The following ASTN2 variants were observed in gnomAD, a reference collection of about 807,000 sequenced individuals.
ASTN2 encodes astrotactin 2.
A neutral mutation model predicts 139.8 loss-of-function variants in ASTN2; 54 were observed. The ratio of observed to expected loss-of-function variants is 0.39; its 90% CI spans 0.31 to 0.48. The LOEUF (loss-of-function observed/expected upper bound fraction) is 0.48. Ranked by LOEUF, ASTN2 falls within the 20% of genes least tolerant of loss-of-function variation. The pLI, the probability that ASTN2 is intolerant of heterozygous loss-of-function variation, is 0.95. For missense variants in ASTN2, 1,565 were observed against 1,725.1 expected, an observed-to-expected ratio of 0.91 and a Z score of 1.64; for synonymous variants, 756 against 719.5, an observed-to-expected ratio of 1.05 and a Z score of -0.81.
At chr9:116,912,656 G>A (rs1035026708) in intron 10 of ASTN2, among the ~76,000 whole-genome samples, 2 of 152,080 alleles carry the variant, frequency 1.3e-5, no homozygotes, top group Non-Finnish European at 2.9e-5. Context: ...CTGCCCTTTC[G>A]TTATTTTCTT....
At chr9:116,510,916 G>T (rs1333796740) in intron 19 of ASTN2, among the ~76,000 whole-genome samples, 3 of 152,116 alleles carry the variant, frequency 2.0e-5, no homozygotes, top group Admixed American at 6.6e-5. Flanking sequence ...AGACAATGGG[G>T]TTTTCTAGAT....
chr9:116,911,729 C>A (rs867821461), intron 10 of ASTN2, among the ~76,000 whole-genome samples: 8 of 152,154 alleles, frequency 5.3e-5, no homozygotes, highest in Middle Eastern at 3.4e-3. Flanking sequence ...ACGGTGAAAC[C>A]CCGTCCTACT....
In ASTN2 at chr9:116,846,048, C is replaced by T. The variant is rs972247015; in HGVS notation, c.2040+17535G>A. Among the ~76,000 whole-genome samples the T allele has an allele frequency of 3.9e-5, 6 of 152,162 alleles. No homozygotes were observed. The East Asian group carries it at 5.8e-4, about 15-fold the overall frequency. ...TAGAAAGGAAGGCAATTCTGACACA[C>T]GCTGCAGCATGGATGAACCCTGAGG... is the stretch of plus-strand genomic sequence containing the variant. On this transcript the variant is annotated intron_variant, in intron 11 of 22. Transcript: ENST00000313400.
chr9:117,271,402 G>T (rs985352533), intron 2 of ASTN2, among the ~76,000 whole-genome samples: 1 of 152,192 alleles, frequency 6.6e-6, no homozygotes, highest in Admixed American at 6.5e-5. Flanking sequence ...TACAATTCAA[G>T]TTGAGATTTG....
At chr9:116,600,865 TCTTCA>T (rs1244772360) in intron 19 of ASTN2, among the ~76,000 whole-genome samples, 1 of 151,908 alleles carries the variant, frequency 6.6e-6, no homozygotes, top group Admixed American at 6.6e-5. Context: ...CGCCCCTCAA[TCTTCA>T]CTTCATTTCA....
At chr9:117,045,437 C>T (rs185435705) in intron 5 of ASTN2, among the ~76,000 whole-genome samples, 11 of 152,092 alleles carry the variant, frequency 7.2e-5, no homozygotes, top group African/African-American at 1.7e-4. Context: ...GCATTCCACC[C>T]GGGCATATTG....
chr9:117,190,219 A>C (rs1292743777), intron 3 of ASTN2, among the ~76,000 whole-genome samples: 2 of 152,198 alleles, frequency 1.3e-5, no homozygotes, highest in East Asian at 3.8e-4. Context: ...TCAGTCACCA[A>C]GTGAGGCAGA....
intron 3 of ASTN2, among the ~76,000 whole-genome samples, chr9:117,181,971 C>T (rs1011235911): frequency 6.6e-6 from 1 of 152,154 alleles, no homozygotes; most frequent in African/African-American, 2.4e-5. Context: ...GCCCTCCTTC[C>T]CCACCCCATG....
intron 17 of ASTN2, among the ~76,000 whole-genome samples, chr9:116,632,791 C>T (rs1856872248): frequency 6.6e-6 from 1 of 152,204 alleles, no homozygotes; most frequent in Admixed American, 6.5e-5. Context: ...AATTCAAAAG[C>T]CCTTACTGCA....
intron 3 of ASTN2, among the ~76,000 whole-genome samples, chr9:117,147,587 A>C (rs375828102): frequency 6.6e-6 from 1 of 152,228 alleles, no homozygotes. Context: ...TTTTTCAGAC[A>C]TCATCAGTCT....
rs375917425 is a variant in ASTN2, at chr9:117,041,659, G to A, written c.1277-1694C>T. On this transcript the variant is annotated intron_variant, in intron 5 of 22. Coordinates refer to ENST00000313400, the MANE Select transcript of ASTN2 (RefSeq NM_001365068.1). Reference sequence around the variant, plus strand: ...TCAAGCTGTTTTACAGCATCTGGTTGCAGGATGTGATCCATATTCATTAGA... The same window carrying A: ...TCAAGCTGTTTTACAGCATCTGGTTACAGGATGTGATCCATATTCATTAGA... Among the ~76,000 whole-genome samples the A allele has an allele frequency of 8.5e-4, 130 of 152,270 alleles. 2 individuals are homozygous for A. Among genetic ancestry groups the A allele is most frequent in the African/African-American group, 3.0e-3 (125 of 41,554 alleles).
intron 1 of ASTN2, among the ~76,000 whole-genome samples, chr9:117,340,331 C>CAAAAAAA (rs56228779): frequency 1.2e-4 from 5 of 40,190 alleles, no homozygotes; most frequent in African/African-American, 4.2e-4. Context: ...GACTCAGTCT[C>CAAAAAAA]AAAAAAAAAA....
intron 16 of ASTN2, chr9:116,687,363 C>G (rs1343705563): frequency 5.7e-6 from 2 of 352,678 alleles, no homozygotes; most frequent in Non-Finnish European, 7.6e-6. Context: ...GTGGACTCGT[C>G]GGAGCCGCGG....
intron 19 of ASTN2, among the ~76,000 whole-genome samples, chr9:116,598,791 C>G (rs987094073): frequency 6.6e-6 from 1 of 152,194 alleles, no homozygotes; most frequent in African/African-American, 2.4e-5. Context: ...ATAATTCATA[C>G]AGTTGAACTA....
chr9:116,762,960 G>C (rs1394525948), intron 13 of ASTN2, among the ~76,000 whole-genome samples: 1 of 152,186 alleles, frequency 6.6e-6, no homozygotes, highest in Non-Finnish European at 1.5e-5. Context: ...ATGAAACTGA[G>C]GCTCAGAGAA....
At chr9:116,500,790 A>C (rs1408802315) in intron 19 of ASTN2, among the ~76,000 whole-genome samples, 1 of 152,244 alleles carries the variant, frequency 6.6e-6, no homozygotes, top group East Asian at 1.9e-4. Flanking sequence ...TATGGGAAGC[A>C]CCTAGCACAT....
At chr9:116,490,623 C>T (rs1759060527) in intron 19 of ASTN2, among the ~76,000 whole-genome samples, 1 of 152,128 alleles carries the variant, frequency 6.6e-6, no homozygotes, top group Admixed American at 6.5e-5. Context: ...AGGAAACTTA[C>T]AATCATGGCG....
rs1271267761 is a variant in ASTN2, at chr9:116,530,105, A to AGAATATTAT, written c.3356-42606_3356-42605insATAATATTC. 1.1e-3 allele frequency among the ~76,000 whole-genome samples: 25 copies of AGAATATTAT among 22,552 alleles called. 1 individual carries two copies. The East Asian group carries it at 0.033, about 30-fold the overall frequency. The allele number at this position is 22,552 out of a possible 152,430, so 14.8% of individuals were successfully genotyped here. On this transcript the variant is annotated intron_variant, in intron 19 of 22. Coordinates refer to ENST00000313400, the MANE Select transcript of ASTN2 (RefSeq NM_001365068.1). ...AATGGATAAAGTGTGATATATATAT[A>AGAATATTAT]TATATATATATATATATATATATAT... is the stretch of plus-strand genomic sequence containing the variant.
chr9:117,112,311 G>C (rs188747496), intron 4 of ASTN2, among the ~76,000 whole-genome samples: 1 of 151,742 alleles, frequency 6.6e-6, no homozygotes, highest in Non-Finnish European at 1.5e-5. Context: ...TTATATGAAA[G>C]TGCAAGTAAT....
Sources: allele counts gnomAD v4.1 joint callset (sites outside exome capture counted in the v4.1 genomes callset), GRCh38; gene constraint gnomAD v4.1.1; transcripts MANE v1.5; gene names NCBI Gene and HGNC (gene_info 2026-07-23, HGNC 2026-07-21).